KDM4C: variants seen among roughly 807,000 people sequenced by gnomAD.
KDM4C encodes the protein lysine-specific demethylase 4C.
A neutral mutation model predicts 129.3 loss-of-function variants in KDM4C; 81 were observed. The observed-to-expected ratio is 0.63, with a 90% CI of 0.52 to 0.75. The LOEUF (loss-of-function observed/expected upper bound fraction) is 0.75. Ranked by LOEUF, KDM4C falls within the 30% of genes least tolerant of loss-of-function variation. KDM4C has a pLI of 0.00. For synonymous variants in KDM4C, 573 were observed against 456.1 expected (o/e 1.26, Z -3.26); for missense variants, 1,457 against 1,304.0 (o/e 1.12, Z -1.81).
rs2130374040 is a variant in KDM4C, at chr9:6,758,730, TC to T, written c.-18+528del. ...CCCTCGCGGCTGTCCTTTTGGTGTTTCTTTCCCCCGGCATGGGGCCATTTCT... is the reference window on the plus strand; with the variant it reads ...CCCTCGCGGCTGTCCTTTTGGTGTTTTTTCCCCCGGCATGGGGCCATTTCT... On this transcript the variant is annotated intron_variant, in intron 1 of 21. Transcript: ENST00000381309. The surrounding 1 kb of genome is among the most constrained non-coding windows in gnomAD (Gnocchi z 4.6). 6.6e-6 allele frequency among the ~76,000 whole-genome samples: 1 copy of T among 152,362 alleles called. No homozygotes were observed. The highest frequency in any genetic ancestry group is 2.4e-5 in the African/African-American group (1 of 41,590).
chr9:7,063,106 T>C (rs1228349434), intron 17 of KDM4C, among the ~76,000 whole-genome samples: 1 of 152,136 alleles, frequency 6.6e-6, no homozygotes, highest in Non-Finnish European at 1.5e-5. Context: ...TAGCAAAAAA[T>C]AGAATTTGCC....
chr9:6,893,243 C>A lies in KDM4C; in HGVS notation c.921+11C>A, dbSNP rs1242621825. ...AAAGTTGCCAAATTGGTAAGCTATGCCTCAAAAATAAAGCAAAAATTAAAT... is the reference window on the plus strand; with the variant it reads ...AAAGTTGCCAAATTGGTAAGCTATGACTCAAAAATAAAGCAAAAATTAAAT... On this transcript the variant is annotated intron_variant, in intron 8 of 21. Coordinates refer to ENST00000381309, the MANE Select transcript of KDM4C (RefSeq NM_015061.6). The A allele has an allele frequency of 1.3e-6, 2 of 1,597,042 alleles. No homozygotes were observed. Among genetic ancestry groups the A allele is most frequent in the Non-Finnish European group, 1.7e-6 (2 of 1,172,954 alleles).
intron 1 of KDM4C, among the ~76,000 whole-genome samples, chr9:6,743,427 G>C (rs60609261): frequency 0.014 from 2,138 of 152,144 alleles, 59 homozygotes; most frequent in African/African-American, 0.048. Context: ...TGCATCTTTA[G>C]TCTCACAGTT....
chr9:6,748,332 A>T (rs968289173), intron 1 of KDM4C, among the ~76,000 whole-genome samples: 6 of 151,872 alleles, frequency 4.0e-5, no homozygotes, highest in African/African-American at 1.5e-4. Context: ...ACATGGAGAA[A>T]CCCTGTCTCT....
At chr9:6,748,997 A>G in intron 1 of KDM4C, 2 of 784,284 alleles carry the variant, frequency 2.6e-6, no homozygotes, top group South Asian at 1.3e-5. Context: ...AATTTCACAA[A>G]GAGCACACTT....
intron 17 of KDM4C, among the ~76,000 whole-genome samples, chr9:7,073,885 C>T (rs544159741): frequency 9.9e-5 from 15 of 152,202 alleles, no homozygotes; most frequent in African/African-American, 2.9e-4. Context: ...TGCAGAGAGA[C>T]GCATACATCT....
intron 19 of KDM4C, among the ~76,000 whole-genome samples, chr9:7,129,874 G>T (rs1840429106): frequency 6.6e-6 from 1 of 152,162 alleles, no homozygotes; most frequent in Non-Finnish European, 1.5e-5. Flanking sequence ...ACATTTTGCT[G>T]TTGAGGAAAC....
Position 7,082,932 on chromosome 9 carries a change from A to G in KDM4C, c.2425-20753A>G, listed in dbSNP as rs967455736. 2.6e-5 allele frequency among the ~76,000 whole-genome samples: 4 copies of G among 152,218 alleles called. No homozygotes were observed. In the South Asian group the frequency reaches 6.2e-4, roughly 24 times the overall value. ...ATTAAGGACTTTTTCTTTGTTTACT[A>G]TTGATATTAATAGCCATTGTTTATA... is the stretch of plus-strand genomic sequence containing the variant. On this transcript the variant is annotated intron_variant, in intron 17 of 21. Transcript: ENST00000381309.
At chr9:6,863,861 T>A (rs957990243) in intron 5 of KDM4C, among the ~76,000 whole-genome samples, 1 of 149,622 alleles carries the variant, frequency 6.7e-6, no homozygotes, top group Non-Finnish European at 1.5e-5. Flanking sequence ...AGCCAGCTCA[T>A]GGGAACTAAT....
chr9:7,048,887 C>T (rs1468800444), intron 16 of KDM4C, among the ~76,000 whole-genome samples: 1 of 151,996 alleles, frequency 6.6e-6, no homozygotes, highest in South Asian at 2.1e-4. Context: ...CTCTTCATGG[C>T]ACAATGTTGT....
At chr9:7,054,451 C>T (rs1830605473) in intron 17 of KDM4C, among the ~76,000 whole-genome samples, 1 of 152,068 alleles carries the variant, frequency 6.6e-6, no homozygotes, top group Non-Finnish European at 1.5e-5. Flanking sequence ...CACATTAAGA[C>T]AGAATGGCCT....
At chr9:6,950,941 G>C (rs1828033902) in intron 8 of KDM4C, among the ~76,000 whole-genome samples, 1 of 152,182 alleles carries the variant, frequency 6.6e-6, no homozygotes, top group South Asian at 2.1e-4. Flanking sequence ...CTTGAATTTT[G>C]GGGGGAGGAG....
At chr9:7,011,494 C>A (rs1179165923) in intron 12 of KDM4C, among the ~76,000 whole-genome samples, 1 of 152,128 alleles carries the variant, frequency 6.6e-6, no homozygotes, top group Non-Finnish European at 1.5e-5. Context: ...GCCGTGGGAT[C>A]TGATCTAGTC....
rs1191172665 is a variant in KDM4C at position 6,888,983 on chromosome 9, T to C, written c.783+920T>C. Among the ~76,000 whole-genome samples the C allele has an allele frequency of 6.5e-4, 60 of 92,784 alleles. 16 individuals are homozygous for C. The highest frequency in any genetic ancestry group is 3.2e-4 in the Non-Finnish European group (15 of 46,158). 60.9% of individuals were successfully genotyped at this position (92,784 alleles called of 152,430 possible). A position where few individuals can be genotyped will look rare whatever the true frequency, so the allele number is the denominator to read the frequency against. ...TTTTGTATTTTTAGTAGAGACGGGG[T>C]TTCACCGTTTTAGCCGGGATGGCCT... is the stretch of plus-strand genomic sequence containing the variant. On this transcript the variant is annotated intron_variant, in intron 7 of 21. Coordinates refer to ENST00000381309, the MANE Select transcript of KDM4C (RefSeq NM_015061.6).
At chr9:6,940,709 A>G (rs548105646) in intron 8 of KDM4C, among the ~76,000 whole-genome samples, 1 of 152,300 alleles carries the variant, frequency 6.6e-6, no homozygotes, top group African/African-American at 2.4e-5. Context: ...TGAACCGAAT[A>G]TTCATTTTTT....
At chr9:6,846,758 T>G (rs1418380756) in intron 4 of KDM4C, among the ~76,000 whole-genome samples, 7 of 152,208 alleles carry the variant, frequency 4.6e-5, no homozygotes, top group African/African-American at 1.7e-4. Context: ...ATGCTTGACT[T>G]GTTTTTTGGG....
At chr9:6,761,002 CT>C (rs34391703) in intron 1 of KDM4C, among the ~76,000 whole-genome samples, 201 of 129,204 alleles carry the variant, frequency 1.6e-3, no homozygotes, top group Admixed American at 1.6e-3. Context: ...TCCTGGATGT[CT>C]TTTTTTTTTT....
chr9:6,773,079 A>G (rs1465299758), intron 1 of KDM4C, among the ~76,000 whole-genome samples: 1 of 151,424 alleles, frequency 6.6e-6, no homozygotes, highest in Non-Finnish European at 1.5e-5. Context: ...GGCTCACTGC[A>G]GCCTCGACCT....
intron 3 of KDM4C, among the ~76,000 whole-genome samples, chr9:6,813,135 G>T (rs902125232): frequency 6.6e-6 from 1 of 151,984 alleles, no homozygotes; most frequent in East Asian, 1.9e-4. Flanking sequence ...AGATCGTGCC[G>T]CTGTACTCCA....
Sources: allele counts gnomAD v4.1 joint callset (sites outside exome capture counted in the v4.1 genomes callset), GRCh38; gene constraint gnomAD v4.1.1; non-coding constraint Gnocchi (gnomAD v3.1); transcripts MANE v1.5; gene names NCBI Gene and HGNC (gene_info 2026-07-23, HGNC 2026-07-21).